PLXNA2: variants seen among roughly 807,000 people sequenced by gnomAD.
The protein encoded by PLXNA2 is plexin-A2.
In PLXNA2, 91 loss-of-function variants were observed where a neutral mutation model predicts 193.5. The ratio of observed to expected loss-of-function variants is 0.47; its 90% confidence interval spans 0.40 to 0.56. The LOEUF (loss-of-function observed/expected upper bound fraction) is 0.56. Among genes scored for constraint, PLXNA2 ranks in the 20% least tolerant of loss-of-function variants. PLXNA2 has a pLI of 0.00. For synonymous variants in PLXNA2, 997 were observed against 1,027.3 expected (o/e 0.97, Z 0.56); for missense variants, 1,995 against 2,503.2 (o/e 0.80, Z 4.33).
At chr1:208,031,925 G>A in intron 28 of PLXNA2, 166 bp from the exon 29 acceptor site, 18 of 926,092 alleles carry the variant, frequency 1.9e-5, no homozygotes, top group Non-Finnish European at 2.3e-5. Flanking sequence ...GTTAGCTGGG[G>A]AGGTGGGAGA....
intron 8 of PLXNA2, among the ~76,000 whole-genome samples, chr1:208,093,288 T>A (rs2102404289): frequency 1.3e-5 from 2 of 152,354 alleles, no homozygotes; most frequent in Middle Eastern, 6.8e-3. Flanking sequence ...TTCTTCTGAA[T>A]GCTGGTAGCT....
intron 22 of PLXNA2, 56 bp from the exon 23 acceptor site, chr1:208,040,114 G>T (rs1485959400): frequency 1.4e-6 from 2 of 1,437,106 alleles, no homozygotes; most frequent in East Asian, 4.6e-5. Flanking sequence ...CTCCGTGGTG[G>T]GGCCTGGGCT....
At chr1:208,061,123 G>T (rs560223443) in intron 12 of PLXNA2, among the ~76,000 whole-genome samples, 5 of 152,298 alleles carry the variant, frequency 3.3e-5, no homozygotes, top group South Asian at 2.1e-4. Flanking sequence ...AGAAAACCAT[G>T]GTTTGAGACA....
chr1:208,170,576 G>A (rs1377781185), intron 3 of PLXNA2, among the ~76,000 whole-genome samples: 1 of 152,210 alleles, frequency 6.6e-6, no homozygotes, highest in East Asian at 1.9e-4. Flanking sequence ...ATGTTCATAA[G>A]GGGCTAGTTC....
At chr1:208,057,873 A>C (rs559449782) in intron 13 of PLXNA2, among the ~76,000 whole-genome samples, 1 of 152,294 alleles carries the variant, frequency 6.6e-6, no homozygotes, top group Admixed American at 6.5e-5. Context: ...CATACCATTT[A>C]CTGGTTTGGA....
At chr1:208,190,188 A>G (rs141134306) in intron 3 of PLXNA2, among the ~76,000 whole-genome samples, 39 of 152,288 alleles carry the variant, frequency 2.6e-4, no homozygotes, top group African/African-American at 8.2e-4. Flanking sequence ...AGTTATGAAC[A>G]ACATTTTCCT....
chr1:208,035,483 G>A (rs893694400), intron 26 of PLXNA2, among the ~76,000 whole-genome samples: 2 of 152,080 alleles, frequency 1.3e-5, no homozygotes, highest in Non-Finnish European at 2.9e-5. Context: ...TCCTCTATGA[G>A]GGTACCCCAG....
At chr1:208,084,638 T>C (rs1453606697) in intron 9 of PLXNA2, 58 bp from the exon 10 acceptor site, 14 of 1,539,408 alleles carry the variant, frequency 9.1e-6, no homozygotes, top group Non-Finnish European at 1.2e-5. Context: ...CCTATGTGCC[T>C]GGGACAGGCA....
chr1:208,142,463 T>A lies in PLXNA2; in HGVS notation c.1372A>T (p.Ile458Phe). 1 of 1,604,210 alleles carries A rather than the reference T, an allele frequency of 6.2e-7. No individual in the cohort carries two copies. The highest frequency in any genetic ancestry group is 8.5e-7 in the Non-Finnish European group (1 of 1,175,954). ...VGTKSGKLKK[I>F]RADGPPHGGV... Reference sequence around the variant, plus strand: ...CCATGGGGGGGACCGTCGGCCCGAATCTGTATGAGAAACAAGGGTGTCCTC... The same window carrying A: ...CCATGGGGGGGACCGTCGGCCCGAAACTGTATGAGAAACAAGGGTGTCCTC... The change falls in exon 4 of 32, where the codon ATT becomes TTT. Residue 458 changes from isoleucine (I) to phenylalanine (F), a missense_variant and splice_region_variant. Physicochemically the swap from Ile to Phe is conservative, Grantham distance 21 (BLOSUM62 0). This residue lies in a region of PLXNA2 where 702 missense variants were observed against 812.9 expected (regional missense o/e 0.86). Coordinates refer to ENST00000367033, the MANE Select transcript of PLXNA2 (RefSeq NM_025179.4).
In PLXNA2 at chr1:208,096,028, C is replaced by A; in HGVS notation, c.1982+1G>T. On this transcript the variant is annotated splice_donor_variant, in intron 8 of 31. Transcript: ENST00000367033. LOFTEE classifies it high-confidence loss of function. ...CAAGACCCTTTCTAATAAGCACTTA[C>A]AGTTGGTGGGCACTGCAGTTGTAAA... 1 of 1,609,764 alleles carries A rather than the reference C, an allele frequency of 6.2e-7. No homozygotes were observed.
intron 17 of PLXNA2, among the ~76,000 whole-genome samples, chr1:208,046,393 G>C (rs1188373309): frequency 6.6e-6 from 1 of 152,158 alleles, no homozygotes. Context: ...GCTATAGAGC[G>C]GCAGACACAG....
chr1:208,120,339 G>A (rs1404419774), intron 4 of PLXNA2, among the ~76,000 whole-genome samples: 1 of 152,226 alleles, frequency 6.6e-6, no homozygotes, highest in Non-Finnish European at 1.5e-5. Flanking sequence ...GAGTTAAGTG[G>A]TGATTAGAGT....
chr1:208,187,336 T>C (rs924441588), intron 3 of PLXNA2, among the ~76,000 whole-genome samples: 1 of 152,168 alleles, frequency 6.6e-6, no homozygotes, highest in Non-Finnish European at 1.5e-5. Context: ...GGTTATGTCA[T>C]GGACCAGCAA....
At chr1:208,054,860 C>T (rs1441188827) in intron 13 of PLXNA2, among the ~76,000 whole-genome samples, 1 of 152,120 alleles carries the variant, frequency 6.6e-6, no homozygotes, top group Non-Finnish European at 1.5e-5. Flanking sequence ...GGTAGGGACC[C>T]AGAATTTATA....
intron 11 of PLXNA2, among the ~76,000 whole-genome samples, chr1:208,081,012 G>A (rs1666321468): frequency 6.6e-6 from 1 of 152,198 alleles, no homozygotes; most frequent in Non-Finnish European, 1.5e-5. Context: ...GAGGTGATAC[G>A]AATGTGAAGA....
intron 1 of PLXNA2, among the ~76,000 whole-genome samples, chr1:208,239,420 T>C (rs533657735): frequency 6.6e-6 from 1 of 152,350 alleles, no homozygotes; most frequent in African/African-American, 2.4e-5. Context: ...CCTCTCTCCA[T>C]TTATCTGTGC....
At chr1:208,075,480 A>G (rs1376503557) in intron 12 of PLXNA2, among the ~76,000 whole-genome samples, 3 of 152,082 alleles carry the variant, frequency 2.0e-5, no homozygotes, top group African/African-American at 7.2e-5. Flanking sequence ...ACTTTCATCA[A>G]TTGGTTTAGG....
At position 208,045,718 on chromosome 1, in the gene PLXNA2, C is replaced by T. The variant is rs113745358; in HGVS notation, c.3495+160G>A. On this transcript the variant is annotated intron_variant, in intron 18 of 31. Transcript: ENST00000367033. The stretch of plus-strand genomic sequence containing the variant: ...GTGCAAGCTATATCGCCTGATGGGT[C>T]GATATCTACCCATGAGCTCCTTCTG... Among the ~76,000 whole-genome samples the T allele has an allele frequency of 5.3e-5, 8 of 152,308 alleles. No individual in the cohort carries two copies. The East Asian group carries it at 5.8e-4, about 11-fold the overall frequency.
chr1:208,243,334 G>T (rs990521071), intron 1 of PLXNA2, among the ~76,000 whole-genome samples: 2 of 152,250 alleles, frequency 1.3e-5, no homozygotes, highest in South Asian at 4.1e-4. Flanking sequence ...CAGGTGCGCG[G>T]TGGAGGCGCG....
Sources: allele counts gnomAD v4.1 joint callset (sites outside exome capture counted in the v4.1 genomes callset), GRCh38; gene constraint gnomAD v4.1.1; regional missense constraint gnomAD v4.1.1; transcripts MANE v1.5; gene names NCBI Gene and HGNC (gene_info 2026-07-23, HGNC 2026-07-21).